The following YARS1 variants were observed in gnomAD, a reference collection of about 807,000 sequenced individuals.
YARS1 encodes the protein tyrosine--tRNA ligase, cytoplasmic.
YARS1 carries 36 observed loss-of-function variants against 62.2 expected under a neutral mutation model. The ratio of observed to expected loss-of-function variants is 0.58; its 90% CI spans 0.44 to 0.76. The LOEUF (loss-of-function observed/expected upper bound fraction) is 0.76, where lower values mean the gene tolerates loss of function less well. YARS1 is among the 30% of genes least tolerant of loss of function. YARS1 has a pLI of 0.00. For missense variants in YARS1, 524 were observed against 639.8 expected (o/e 0.82, Z 1.95); for synonymous variants, 234 against 244.9 (o/e 0.96, Z 0.42).
rs1275164749 is a variant in YARS1 at position 32,805,820 on chromosome 1, G to A, written c.510+662C>T. 3.3e-5 allele frequency among the ~76,000 whole-genome samples: 5 copies of A among 152,202 alleles called. No homozygotes were observed. In the South Asian group the frequency reaches 1.0e-3, roughly 32 times the overall value. ...ACTAAAAATACAAAAAAAATCAGCC[G>A]GGCATGGTGGCAGGCGCCTGTAATC... On this transcript the variant is annotated intron_variant, in intron 4 of 12. Transcript: ENST00000373477.
chr1:32,802,179 C>A (rs912207056), intron 4 of YARS1, among the ~76,000 whole-genome samples: 1 of 152,000 alleles, frequency 6.6e-6, no homozygotes, highest in African/African-American at 2.4e-5. Flanking sequence ...GATCTCCTGA[C>A]CTCGTGATCC....
At chr1:32,805,767 C>A (rs926568484) in intron 4 of YARS1, among the ~76,000 whole-genome samples, 6 of 152,052 alleles carry the variant, frequency 3.9e-5, no homozygotes, top group African/African-American at 1.2e-4. Flanking sequence ...CAAGACCAGC[C>A]TGGCCAAGAT....
chr1:32,780,007 G>C (rs901538305), intron 11 of YARS1, 78 bp downstream of exon 11: 45 of 1,560,560 alleles, frequency 2.9e-5, no homozygotes, highest in Non-Finnish European at 3.9e-5. Context: ...CTGGTGTGTG[G>C]AAGGACATCA....
At chr1:32,814,547 G>A (rs2148618234) in intron 1 of YARS1, among the ~76,000 whole-genome samples, 1 of 152,218 alleles carries the variant, frequency 6.6e-6, no homozygotes, top group Non-Finnish European at 1.5e-5. Flanking sequence ...CCGCCACCAG[G>A]CCAGAGAAAT....
chr1:32,787,769 C>T (rs906585657), intron 6 of YARS1, among the ~76,000 whole-genome samples: 3 of 152,138 alleles, frequency 2.0e-5, no homozygotes, highest in Admixed American at 2.0e-4. Flanking sequence ...CCGCCTTGGC[C>T]TCTCAAAGTG....
intron 5 of YARS1, 86 bp downstream of exon 5, chr1:32,797,677 A>C: frequency 9.2e-7 from 1 of 1,092,378 alleles, no homozygotes; most frequent in Non-Finnish European, 1.4e-6. Flanking sequence ...CACTATGACT[A>C]GTGGGACTGA....
chr1:32,816,433 T>C (rs1414007714), intron 1 of YARS1, among the ~76,000 whole-genome samples: 1 of 152,186 alleles, frequency 6.6e-6, no homozygotes, highest in Non-Finnish European at 1.5e-5. Context: ...GCAGTTCTGG[T>C]GCCAGAGGGT....
At chr1:32,777,238 A>G (rs1298018560) in intron 12 of YARS1, among the ~76,000 whole-genome samples, 3 of 151,908 alleles carry the variant, frequency 2.0e-5, no homozygotes, top group African/African-American at 4.8e-5. Context: ...TATGTTGGTC[A>G]GGCTGGTCTC....
At chr1:32,808,250 C>T (rs1261558889) in intron 3 of YARS1, among the ~76,000 whole-genome samples, 4 of 148,298 alleles carry the variant, frequency 2.7e-5, no homozygotes, top group African/African-American at 7.5e-5. Flanking sequence ...AACAGAGTCT[C>T]GCTCTGTTGC....
At chr1:32,778,518 C>T (rs979807685) in intron 12 of YARS1, among the ~76,000 whole-genome samples, 9 of 151,510 alleles carry the variant, frequency 5.9e-5, no homozygotes, top group Admixed American at 2.6e-4. Context: ...ATGCCATTCT[C>T]GTCTCAGCCT....
intron 8 of YARS1, chr1:32,783,799 T>C (rs568682696): frequency 4.6e-5 from 7 of 152,238 alleles, no homozygotes; most frequent in South Asian, 2.1e-4. Flanking sequence ...ATATGGTGGC[T>C]ACTAGCCTTG....
intron 1 of YARS1, 62 bp downstream of exon 1, chr1:32,817,126 C>CA (rs1202274196): frequency 3.7e-6 from 6 of 1,605,930 alleles, no homozygotes; most frequent in South Asian, 1.1e-5. Flanking sequence ...TAATGGGGCT[C>CA]AAAATCACTG....
chr1:32,794,771 G>A (rs1653518996), intron 5 of YARS1, among the ~76,000 whole-genome samples: 1 of 150,918 alleles, frequency 6.6e-6, no homozygotes, highest in African/African-American at 2.4e-5. Flanking sequence ...ACTTTGGGAG[G>A]CCGAGGCAGG....
intron 8 of YARS1, among the ~76,000 whole-genome samples, chr1:32,785,899 T>C (rs1312686286): frequency 7.3e-5 from 11 of 151,374 alleles, no homozygotes; most frequent in Non-Finnish European, 8.9e-5. Flanking sequence ...TCTTTTTTTT[T>C]TTTTTTTTTA....
intron 6 of YARS1, chr1:32,790,683 T>C (rs1483623287): frequency 6.2e-6 from 1 of 162,350 alleles, no homozygotes; most frequent in African/African-American, 2.4e-5. Context: ...AGGTAAGCCA[T>C]GTTTGGGAAC....
intron 6 of YARS1, among the ~76,000 whole-genome samples, chr1:32,787,715 G>A (rs966970781): frequency 6.6e-6 from 1 of 151,844 alleles, no homozygotes; most frequent in South Asian, 2.1e-4. Context: ...GGGTTTCACC[G>A]TGGTAGCCAG....
chr1:32,787,367 C>T (rs534329388), intron 6 of YARS1, among the ~76,000 whole-genome samples: 2 of 152,042 alleles, frequency 1.3e-5, no homozygotes, highest in South Asian at 4.2e-4. Context: ...GCTCAAGCAA[C>T]TCTCCTGCCT....
At chr1:32,802,978 A>ATTTTTTTT (rs34189200) in intron 4 of YARS1, among the ~76,000 whole-genome samples, 1 of 89,412 alleles carries the variant, frequency 1.1e-5, no homozygotes, top group East Asian at 3.4e-4. Context: ...ACGCCTGGCT[A>ATTTTTTTT]TTTTTTTTTT....
chr1:32,815,738 T>C (rs1237013861), intron 1 of YARS1, among the ~76,000 whole-genome samples: 1 of 151,848 alleles, frequency 6.6e-6, no homozygotes, highest in Non-Finnish European at 1.5e-5. Flanking sequence ...AGACAGAGAG[T>C]AGATTAGTGT....
Sources: allele counts gnomAD v4.1 joint callset (sites outside exome capture counted in the v4.1 genomes callset), GRCh38; gene constraint gnomAD v4.1.1; transcripts MANE v1.5; gene names NCBI Gene and HGNC (gene_info 2026-07-23, HGNC 2026-07-21).